Variants in NPIPB2 observed in about 807,000 individuals in gnomAD.
NPIPB2 encodes the protein nuclear pore complex-interacting protein family member B2.
A neutral mutation model predicts 30.8 loss-of-function variants in NPIPB2; 27 were observed. The observed-to-expected ratio is 0.88, with a 90% CI of 0.65 to 1.21. NPIPB2 has a LOEUF of 1.21. Among genes scored for constraint, NPIPB2 ranks in the 50% most tolerant of loss-of-function variants. NPIPB2 has a pLI of 0.00. For missense variants in NPIPB2, 440 were observed against 446.2 expected (o/e 0.99, Z 0.13); for synonymous variants, 147 against 162.0 (o/e 0.91, Z 0.70).
In NPIPB2 at chr16:11,940,358, A is replaced by C. The variant is rs375175993; in HGVS notation, c.63+1625T>G. 1.3e-3 allele frequency among the ~76,000 whole-genome samples: 163 copies of C among 126,368 alleles called. 6 individuals carry two copies. The East Asian group carries it at 0.028, about 22-fold the overall frequency. 82.9% of individuals were successfully genotyped at this position (126,368 alleles called of 152,430 possible). On this transcript the variant is annotated intron_variant, in intron 1 of 7. Coordinates refer to ENST00000399147, the Ensembl canonical transcript of NPIPB2. Reference sequence around the variant, plus strand: ...AGGGAGAAACTGTCTCAAATAAATAAATAAATAAATAAAATAATGTAGATC... The same window carrying C: ...AGGGAGAAACTGTCTCAAATAAATACATAAATAAATAAAATAATGTAGATC...
intron 1 of NPIPB2, among the ~76,000 whole-genome samples, chr16:11,960,673 A>G (rs2055146881): frequency 6.6e-6 from 1 of 150,706 alleles, no homozygotes; most frequent in South Asian, 2.1e-4. Flanking sequence ...CATGGCTCCT[A>G]TTGGCTGCCT....
At chr16:11,954,074 A>T (rs2055090314) in intron 1 of NPIPB2, among the ~76,000 whole-genome samples, 1 of 151,914 alleles carries the variant, frequency 6.6e-6, no homozygotes, top group African/African-American at 2.4e-5. Context: ...GTCTTTTATT[A>T]ATAGGCATTT....
At chr16:11,965,229 C>T (rs1050879155) in intron 1 of NPIPB2, 1 of 1,517,386 alleles carries the variant, frequency 6.6e-7, no homozygotes, top group South Asian at 1.2e-5. Context: ...AACATTCTAG[C>T]TGCTCTTGCT....
intron 1 of NPIPB2, among the ~76,000 whole-genome samples, chr16:11,959,994 C>T (rs1401791286): frequency 6.6e-6 from 1 of 152,152 alleles, no homozygotes; most frequent in African/African-American, 2.4e-5. Context: ...CAGGCTGTCT[C>T]GAACTACTGG....
intron 2 of NPIPB2, among the ~76,000 whole-genome samples, chr16:11,936,382 T>C (rs1335905446): frequency 1.3e-5 from 2 of 150,576 alleles, no homozygotes; most frequent in East Asian, 2.0e-4. Flanking sequence ...CTAAGTGGCA[T>C]AGAGAATGTT....
intron 1 of NPIPB2, among the ~76,000 whole-genome samples, chr16:11,972,727 G>C (rs2055243411): frequency 6.6e-6 from 1 of 151,942 alleles, no homozygotes; most frequent in Non-Finnish European, 1.5e-5. Context: ...AGCTGGACGT[G>C]GTGGTGGGCG....
chr16:11,965,439 C>G (rs550606391), intron 1 of NPIPB2: 3 of 1,613,984 alleles, frequency 1.9e-6, no homozygotes, highest in South Asian at 2.2e-5. Context: ...AACATGTCAG[C>G]GTTATTGTAA....
intron 1 of NPIPB2, among the ~76,000 whole-genome samples, chr16:11,975,554 C>T (rs1288919561): frequency 6.6e-6 from 1 of 151,822 alleles, no homozygotes; most frequent in South Asian, 2.1e-4. Context: ...CCACCCTGCC[C>T]CCATTATAAT....
At chr16:11,942,115 C>G, upstream of NPIPB2, 1 of 1,532,252 alleles carries the variant, frequency 6.5e-7, no homozygotes, top group Non-Finnish European at 8.7e-7. Flanking sequence ...GTCCATCAAC[C>G]TGTATCTCAG....
rs149557027 is a variant in NPIPB2 at position 11,959,464 on chromosome 16, A to G, written c.-584+17104T>C. 4.0e-4 allele frequency among the ~76,000 whole-genome samples: 61 copies of G among 152,060 alleles called. No individual in the cohort carries two copies. The East Asian group carries it at 0.011, about 28-fold the overall frequency. ...AAATTGCTATGCATGGTGGCGTACTATCGTAGTCCTAGCTACCTGAGAGGC... is the reference window on the plus strand; with the variant it reads ...AAATTGCTATGCATGGTGGCGTACTGTCGTAGTCCTAGCTACCTGAGAGGC... On this transcript the variant is annotated intron_variant, in intron 1 of 5. Transcript: ENST00000538896.
intron 1 of NPIPB2, among the ~76,000 whole-genome samples, chr16:11,953,369 G>T (rs1272035127): frequency 2.0e-5 from 3 of 151,998 alleles, no homozygotes; most frequent in Non-Finnish European, 2.9e-5. Flanking sequence ...TTGAGACGGA[G>T]TCTTGCTCTG....
intron 1 of NPIPB2, among the ~76,000 whole-genome samples, chr16:11,962,127 G>A (rs2055156823): frequency 6.6e-6 from 1 of 150,802 alleles, no homozygotes; most frequent in South Asian, 2.1e-4. Flanking sequence ...AAGCCCAGAA[G>A]GTGGAGGCTG....
At chr16:11,949,800 G>A (rs1396200815) in intron 1 of NPIPB2, among the ~76,000 whole-genome samples, 5 of 152,142 alleles carry the variant, frequency 3.3e-5, no homozygotes, top group African/African-American at 9.7e-5. Flanking sequence ...TACCCAGAGC[G>A]ACATTGGGTG....
chr16:11,945,695 AAAAAC>A (rs971658101), upstream of NPIPB2, among the ~76,000 whole-genome samples: 1 of 151,924 alleles, frequency 6.6e-6, no homozygotes, highest in Non-Finnish European at 1.5e-5. Flanking sequence ...AAACAAAAAC[AAAAAC>A]AAAATGCTGG....
At chr16:11,945,588 G>T (rs1244241370), upstream of NPIPB2, among the ~76,000 whole-genome samples, 1 of 151,962 alleles carries the variant, frequency 6.6e-6, no homozygotes, top group African/African-American at 2.4e-5. Flanking sequence ...TGAAGCAGGA[G>T]AAACGCTTGA....
At chr16:11,957,095 C>A (rs532686161) in intron 1 of NPIPB2, among the ~76,000 whole-genome samples, 1 of 151,640 alleles carries the variant, frequency 6.6e-6, no homozygotes, top group Non-Finnish European at 1.5e-5. Flanking sequence ...GGGGTTCAAG[C>A]GATTCTCCTG....
At chr16:11,968,173 T>C (rs887467139) in intron 1 of NPIPB2, 2 of 270,500 alleles carry the variant, frequency 7.4e-6, no homozygotes, top group African/African-American at 4.5e-5. Context: ...TTCTAACCTA[T>C]TGATAATAAA....
upstream of NPIPB2, among the ~76,000 whole-genome samples, chr16:11,945,637 C>T (rs1042698442): frequency 6.6e-6 from 1 of 151,800 alleles, no homozygotes. Context: ...GAAATCGTGC[C>T]AGTGCAATCC....
intron 1 of NPIPB2, chr16:11,967,560 A>C: frequency 6.2e-7 from 1 of 1,606,750 alleles, no homozygotes; most frequent in Non-Finnish European, 8.5e-7. Flanking sequence ...TTCCGTTTCT[A>C]CATAATTAGG....
Sources: allele counts gnomAD v4.1 joint callset (sites outside exome capture counted in the v4.1 genomes callset), GRCh38; gene constraint gnomAD v4.1.1; transcripts MANE v1.5; gene names NCBI Gene and HGNC (gene_info 2026-07-23, HGNC 2026-07-21).